The following SNF8 variants were observed in gnomAD, a reference collection of about 807,000 sequenced individuals.
SNF8 encodes the protein vacuolar-sorting protein SNF8.
SNF8 carries 19 observed loss-of-function variants against 36.8 expected under a neutral mutation model. The observed-to-expected ratio is 0.52, with a 90% CI of 0.36 to 0.76. The LOEUF (loss-of-function observed/expected upper bound fraction) is 0.76, where lower values mean the gene tolerates loss of function less well. Among genes scored for constraint, SNF8 ranks in the 30% least tolerant of loss-of-function variants. The probability of loss-of-function intolerance (pLI) is 0.00; values close to 1 mark genes in which losing one functional copy is unlikely to be tolerated. For synonymous variants in SNF8, 127 were observed against 127.4 expected (o/e 1.00, Z 0.02); for missense variants, 268 against 322.9 (o/e 0.83, Z 1.30).
chr17:48,933,570 T>C (rs935765100), intron 5 of SNF8: 10 of 509,726 alleles, frequency 2.0e-5, no homozygotes, highest in African/African-American at 1.3e-4. Flanking sequence ...AGCAAGACCT[T>C]ATCTTTACTA....
chr17:48,935,538 G>A (rs541672955), intron 5 of SNF8, among the ~76,000 whole-genome samples: 18 of 149,986 alleles, frequency 1.2e-4, no homozygotes, highest in South Asian at 8.5e-4. Context: ...AAAATTAGCC[G>A]GGCATGGTGG....
Position 48,930,452 on chromosome 17 carries a change from G to T in SNF8, c.*23C>A, listed in dbSNP as rs770453478. ...CACCTCCGCCTCCTCCCTGCCTGCTGCTGTGTGCCCTTCCACATGCAGTCA... is the reference window on the plus strand; with the variant it reads ...CACCTCCGCCTCCTCCCTGCCTGCTTCTGTGTGCCCTTCCACATGCAGTCA... On this transcript the variant is annotated 3_prime_UTR_variant, in exon 8 of 8. Transcript: ENST00000502492. The T allele has an allele frequency of 6.4e-7, 1 of 1,561,490 alleles. No homozygotes were observed. The highest frequency in any genetic ancestry group is 8.7e-7 in the Non-Finnish European group (1 of 1,148,134).
At chr17:48,934,440 TA>T (rs2040905657) in intron 5 of SNF8, 1 of 198,016 alleles carries the variant, frequency 5.1e-6, no homozygotes, top group Admixed American at 6.2e-5. Context: ...CCATCTCCAC[TA>T]AAAATACAAG....
chr17:48,943,737 A>C (rs529967204), intron 2 of SNF8, among the ~76,000 whole-genome samples, 188 bp downstream of exon 2: 1 of 152,344 alleles, frequency 6.6e-6, no homozygotes, highest in Admixed American at 6.5e-5. Context: ...ACAAGCATGT[A>C]ATCACTCAAA....
chr17:48,931,504 G>C (rs1232791933), intron 7 of SNF8, 139 bp downstream of exon 7: 2 of 690,084 alleles, frequency 2.9e-6, no homozygotes, highest in Non-Finnish European at 4.9e-6. Flanking sequence ...AGAAGTGCTG[G>C]GCTTCCTTCT....
chr17:48,942,734 C>T (rs771542714), intron 2 of SNF8, among the ~76,000 whole-genome samples: 26 of 152,042 alleles, frequency 1.7e-4, no homozygotes, highest in Middle Eastern at 3.4e-3. Context: ...AGCTCTACCA[C>T]TTACTACCCA....
Position 48,930,204 on chromosome 17 carries a change from C to G in SNF8, c.*271G>C. On this transcript the variant is annotated 3_prime_UTR_variant, in exon 8 of 8. Transcript: ENST00000502492. ...GCCAGGAAACAACCCACATTCTAGG[C>G]CCAGCTCTTCCATGAACTTGCAGAT... The G allele has an allele frequency of 3.6e-6, 1 of 277,872 alleles. No individual in the cohort carries two copies. The highest frequency in any genetic ancestry group is 6.8e-6 in the Non-Finnish European group (1 of 147,530). 17.2% of individuals were successfully genotyped at this position (277,872 alleles called of 1,614,324 possible).
chr17:48,937,493 G>A (rs922125861), intron 3 of SNF8, among the ~76,000 whole-genome samples: 106 of 152,208 alleles, frequency 7.0e-4, no homozygotes, highest in African/African-American at 2.5e-3. Flanking sequence ...AGCCAGGAGT[G>A]GTGGCGTGCG....
intron 2 of SNF8, among the ~76,000 whole-genome samples, chr17:48,941,699 T>TA (rs55702133): frequency 1.3e-5 from 2 of 151,764 alleles, no homozygotes; most frequent in Admixed American, 1.3e-4. Flanking sequence ...TTTTTTTTTT[T>TA]AATTTTTTTG....
intron 1 of SNF8, among the ~76,000 whole-genome samples, chr17:48,944,430 G>C (rs72833608): frequency 6.6e-6 from 1 of 152,320 alleles, no homozygotes; most frequent in Non-Finnish European, 1.5e-5. Flanking sequence ...TAGGGTGAAG[G>C]AGTAGAATCG....
intron 5 of SNF8, 174 bp from the exon 6 acceptor site, chr17:48,933,520 C>A (rs2040891096): frequency 3.0e-6 from 2 of 668,340 alleles, no homozygotes; most frequent in Admixed American, 5.6e-5. Context: ...ATTGAGAAGA[C>A]TGCTTGAGCC....
intron 5 of SNF8, 123 bp from the exon 6 acceptor site, chr17:48,933,469 A>G (rs2040890309): frequency 9.0e-7 from 1 of 1,113,684 alleles, no homozygotes; most frequent in Non-Finnish European, 1.3e-6. Flanking sequence ...GCCAGGCGCA[A>G]TGGCTCATAC....
intron 2 of SNF8, among the ~76,000 whole-genome samples, chr17:48,942,151 T>C (rs1419713956): frequency 5.3e-5 from 8 of 152,120 alleles, no homozygotes. Flanking sequence ...TGACTTTGTA[T>C]TACCCCTTCT....
At chr17:48,936,000 G>C in intron 5 of SNF8, 170 bp downstream of exon 5, 1 of 546,162 alleles carries the variant, frequency 1.8e-6, no homozygotes. Context: ...GCAAAAGTGA[G>C]ACCCTATCTC....
At chr17:48,931,352 T>C (rs1305311188) in intron 7 of SNF8, among the ~76,000 whole-genome samples, 1 of 152,216 alleles carries the variant, frequency 6.6e-6, no homozygotes, top group African/African-American at 2.4e-5. Context: ...ACTACATTAA[T>C]CTCCTGACCA....
rs1479067094 is a variant in SNF8, at chr17:48,943,750, T to C, written c.105+175A>G. Among the ~76,000 whole-genome samples, 3 of 152,314 alleles carry C rather than the reference T, an allele frequency of 2.0e-5. No individual in the cohort carries two copies. The East Asian group carries it at 5.8e-4, about 29-fold the overall frequency. On this transcript the variant is annotated intron_variant, in intron 2 of 7. Transcript: ENST00000502492. ...TTACAAGCATGTAATCACTCAAAGATGTTAGCCATTATTGTTATTAGCAAG... is the reference window on the plus strand; with the variant it reads ...TTACAAGCATGTAATCACTCAAAGACGTTAGCCATTATTGTTATTAGCAAG...
chr17:48,938,510 AAAAG>A (rs1382856397), intron 3 of SNF8, among the ~76,000 whole-genome samples: 5 of 151,398 alleles, frequency 3.3e-5, no homozygotes, highest in African/African-American at 9.7e-5. Context: ...AAAAAAAAAA[AAAAG>A]AAAACAAAAA....
At chr17:48,932,928 T>C (rs2040880979) in intron 6 of SNF8, 1 of 331,928 alleles carries the variant, frequency 3.0e-6, no homozygotes, top group Non-Finnish European at 5.4e-6. Flanking sequence ...CCCAAAGAAA[T>C]CTAGTTAGTT....
intron 4 of SNF8, chr17:48,936,799 T>C (rs949707712): frequency 1.9e-5 from 11 of 586,556 alleles, no homozygotes; most frequent in African/African-American, 1.5e-4. Context: ...GGACTAGACC[T>C]TCCTGGCCAA....
Sources: allele counts gnomAD v4.1 joint callset (sites outside exome capture counted in the v4.1 genomes callset), GRCh38; gene constraint gnomAD v4.1.1; transcripts MANE v1.5; gene names NCBI Gene and HGNC (gene_info 2026-07-23, HGNC 2026-07-21).